The following MAD1L1 variants were observed in gnomAD, a reference collection of about 807,000 sequenced individuals.
The protein encoded by MAD1L1 is mitotic spindle assembly checkpoint protein MAD1.
A neutral mutation model predicts 96.9 loss-of-function variants in MAD1L1; 95 were observed. The observed-to-expected ratio is 0.98, with a 90% CI of 0.83 to 1.16. The LOEUF is 1.16. Among genes scored for constraint, MAD1L1 ranks in the 50% most tolerant of loss-of-function variants. The probability of loss-of-function intolerance (pLI) is 0.00; values close to 1 mark genes in which losing one functional copy is unlikely to be tolerated. For synonymous variants in MAD1L1, 473 were observed against 396.6 expected (o/e 1.19, Z -2.29); for missense variants, 1,007 against 954.4 (o/e 1.06, Z -0.73).
chr7:1,887,120 G>A (rs1786086251), intron 18 of MAD1L1, among the ~76,000 whole-genome samples: 1 of 152,248 alleles, frequency 6.6e-6, no homozygotes, highest in Non-Finnish European at 1.5e-5. Flanking sequence ...CTGGGCCCAT[G>A]CTGCCTGACT....
At chr7:1,867,942 TC>T (rs1439794782) in intron 18 of MAD1L1, among the ~76,000 whole-genome samples, 2 of 152,204 alleles carry the variant, frequency 1.3e-5, no homozygotes, top group Non-Finnish European at 2.9e-5. Context: ...TCTCCCGTCT[TC>T]CCTAATACGG....
chr7:2,081,925 G>C (rs1026361640), intron 11 of MAD1L1, among the ~76,000 whole-genome samples: 3 of 152,224 alleles, frequency 2.0e-5, no homozygotes, highest in Non-Finnish European at 2.9e-5. Context: ...TGGCCCCAAG[G>C]TCAGGAGCAA....
intron 4 of MAD1L1, among the ~76,000 whole-genome samples, chr7:2,224,738 C>T (rs1465497210): frequency 6.6e-6 from 1 of 152,200 alleles, no homozygotes; most frequent in Non-Finnish European, 1.5e-5. Flanking sequence ...TGGCAAAGTG[C>T]TGTTAATCAG....
At chr7:1,845,428 G>A (rs58222895) in intron 18 of MAD1L1, 2,432 of 68,288 alleles carry the variant, frequency 0.036, 25 homozygotes, top group South Asian at 0.072. Flanking sequence ...TCGGACTCTG[G>A]TTCACGGGGA....
At chr7:2,042,840 A>G (rs1783747651) in intron 12 of MAD1L1, among the ~76,000 whole-genome samples, 1 of 152,146 alleles carries the variant, frequency 6.6e-6, no homozygotes, top group Non-Finnish European at 1.5e-5. Flanking sequence ...ATAGAGACAC[A>G]AGAACGGACT....
chr7:2,067,538 C>T (rs774715120), intron 12 of MAD1L1, among the ~76,000 whole-genome samples: 1 of 152,172 alleles, frequency 6.6e-6, no homozygotes, highest in Non-Finnish European at 1.5e-5. Context: ...CTCTGCTTCC[C>T]GGGCCTCTCC....
rs1250147686 is a variant in MAD1L1 at position 2,162,560 on chromosome 7, C to T, written c.987-13322G>A. Among the ~76,000 whole-genome samples the T allele has an allele frequency of 3.3e-5, 5 of 150,792 alleles. No individual in the cohort carries two copies. In the East Asian group the frequency reaches 5.8e-4, roughly 18 times the overall value. The stretch of plus-strand genomic sequence containing the variant: ...TATGACCCTGCCAAATCCCCCTCTC[C>T]GAGAAACACCCAAGAATGATCAATA... On this transcript the variant is annotated intron_variant, in intron 10 of 18. Transcript: ENST00000265854.
At chr7:2,168,713 G>A (rs998269606) in intron 10 of MAD1L1, among the ~76,000 whole-genome samples, 5 of 152,294 alleles carry the variant, frequency 3.3e-5, no homozygotes, top group Admixed American at 2.6e-4. Flanking sequence ...ATACTCCCGC[G>A]TGGAGGGCGC....
At chr7:2,097,089 G>C (rs1394657641) in intron 11 of MAD1L1, among the ~76,000 whole-genome samples, 2 of 152,072 alleles carry the variant, frequency 1.3e-5, no homozygotes, top group African/African-American at 4.8e-5. Flanking sequence ...GATGTGAAAG[G>C]GGAAGGGGGC....
Position 2,103,365 on chromosome 7 carries a change from T to C in MAD1L1, c.1074-34027A>G, listed in dbSNP as rs1009378559. 8.5e-5 allele frequency among the ~76,000 whole-genome samples: 13 copies of C among 152,150 alleles called. No homozygotes were observed. Among genetic ancestry groups the C allele is most frequent in the Admixed American group, 1.3e-4 (2 of 15,290 alleles). ...TGGGCCTGCCTGCCCCGCCGCTCAG[T>C]AGACGGCACATGGGACATCGCCATG... On this transcript the variant is annotated intron_variant, in intron 11 of 18. Coordinates refer to ENST00000265854, the MANE Select transcript of MAD1L1 (RefSeq NM_001013836.2). The surrounding 1 kb of genome is among the most constrained non-coding windows in gnomAD (Gnocchi z 4.3).
chr7:2,026,955 T>C (rs1162410441), intron 12 of MAD1L1, among the ~76,000 whole-genome samples: 3 of 152,128 alleles, frequency 2.0e-5, no homozygotes, highest in South Asian at 2.1e-4. Context: ...AAAAGATGGT[T>C]CCTCCAAATG....
intron 10 of MAD1L1, among the ~76,000 whole-genome samples, chr7:2,158,610 G>A (rs1041174424): frequency 3.9e-5 from 6 of 152,218 alleles, no homozygotes; most frequent in Non-Finnish European, 7.3e-5. Flanking sequence ...CAAAACCTCA[G>A]TGCTACAAAC....
intron 11 of MAD1L1, among the ~76,000 whole-genome samples, chr7:2,097,701 G>T (rs1786565884): frequency 6.6e-6 from 1 of 152,208 alleles, no homozygotes; most frequent in South Asian, 2.1e-4. Context: ...TGGCACAGGG[G>T]ATGAGGCAAG....
intron 10 of MAD1L1, among the ~76,000 whole-genome samples, chr7:2,174,095 C>T (rs1288205711): frequency 1.3e-5 from 2 of 152,214 alleles, no homozygotes; most frequent in Non-Finnish European, 2.9e-5. Flanking sequence ...GCTGGGATTA[C>T]AGGTATGAAG....
chr7:1,882,417 C>T (rs999625304), intron 18 of MAD1L1, among the ~76,000 whole-genome samples: 2 of 151,974 alleles, frequency 1.3e-5, no homozygotes, highest in South Asian at 2.1e-4. Context: ...ATTGCTCCAG[C>T]GGGAGATGGG....
At chr7:2,005,822 TAAAAC>T (rs1782006563) in intron 13 of MAD1L1, among the ~76,000 whole-genome samples, 1 of 152,062 alleles carries the variant, frequency 6.6e-6, no homozygotes, top group Admixed American at 6.6e-5. Flanking sequence ...AACGAAGATG[TAAAAC>T]AAAACAAAAA....
At chr7:1,899,311 C>G (rs961780826) in intron 17 of MAD1L1, among the ~76,000 whole-genome samples, 2 of 152,236 alleles carry the variant, frequency 1.3e-5, no homozygotes, top group Admixed American at 6.5e-5. Context: ...ACAGAGCCGT[C>G]CCCTAGGCCG....
At chr7:2,057,964 C>T (rs58339524) in intron 12 of MAD1L1, among the ~76,000 whole-genome samples, 6,245 of 141,164 alleles carry the variant, frequency 0.044, 495 homozygotes, top group African/African-American at 0.17. Context: ...GAAGCAGGGC[C>T]GGAGAGGGAG....
intron 18 of MAD1L1, among the ~76,000 whole-genome samples, chr7:1,894,207 C>T (rs565595161): frequency 9.8e-4 from 150 of 152,318 alleles, no homozygotes; most frequent in South Asian, 1.7e-3. Flanking sequence ...GACTTGGCAG[C>T]TCTAGCGCTG....
Sources: gnomAD v4.1 joint callset for allele counts (sites outside exome capture counted in the v4.1 genomes callset) on GRCh38, gnomAD v4.1.1 for gene constraint, Gnocchi (gnomAD v3.1) non-coding constraint, MANE v1.5 for transcripts, NCBI Gene and HGNC (gene_info 2026-07-23, HGNC 2026-07-21) for gene names.